Variants in RBM47 observed in about 807,000 individuals in gnomAD.
RBM47 encodes the protein RNA-binding protein 47.
RBM47 carries 21 observed loss-of-function variants against 47.1 expected under a neutral mutation model. That is an observed-to-expected ratio of 0.45 (90% CI 0.32 to 0.64). The LOEUF (loss-of-function observed/expected upper bound fraction) is 0.64, where lower values mean the gene tolerates loss of function less well. Among genes scored for constraint, RBM47 ranks in the 30% least tolerant of loss-of-function variants. The pLI, the probability that RBM47 is intolerant of heterozygous loss-of-function variation, is 0.05. For synonymous variants in RBM47, 375 were observed against 361.7 expected (o/e 1.04, Z -0.42); for missense variants, 708 against 870.9 (o/e 0.81, Z 2.35).
chr4:40,513,020 G>A (rs34644612), intron 2 of RBM47, among the ~76,000 whole-genome samples: 7,168 of 152,226 alleles, frequency 0.047, 234 homozygotes, highest in Non-Finnish European at 0.073. Flanking sequence ...TCAATTTTCC[G>A]ATATGCATAT....
intron 1 of RBM47, among the ~76,000 whole-genome samples, chr4:40,584,111 G>A (rs1432772667): frequency 1.3e-5 from 2 of 152,116 alleles, no homozygotes; most frequent in Admixed American, 1.3e-4. Flanking sequence ...CTACAGGCAC[G>A]CACCAACATG....
intron 1 of RBM47, among the ~76,000 whole-genome samples, chr4:40,581,959 CT>C (rs1324067254): frequency 6.6e-6 from 1 of 152,086 alleles, no homozygotes; most frequent in Non-Finnish European, 1.5e-5. Context: ...TTCCCCTCCT[CT>C]GCACCCATCT....
intron 3 of RBM47, among the ~76,000 whole-genome samples, chr4:40,460,487 C>T (rs1716947922): frequency 6.6e-6 from 1 of 152,232 alleles, no homozygotes; most frequent in Non-Finnish European, 1.5e-5. Flanking sequence ...GAGTGACTTA[C>T]TCTCCCAAGC....
intron 2 of RBM47, among the ~76,000 whole-genome samples, chr4:40,473,286 C>A (rs1024319743): frequency 1.3e-5 from 2 of 152,152 alleles, no homozygotes; most frequent in African/African-American, 4.8e-5. Flanking sequence ...AATGAGGCTG[C>A]CCATTTGTTA....
At chr4:40,528,942 C>CAA (rs201660719) in intron 2 of RBM47, among the ~76,000 whole-genome samples, 3 of 140,584 alleles carry the variant, frequency 2.1e-5, no homozygotes, top group African/African-American at 7.8e-5. Flanking sequence ...GACTCCGTCT[C>CAA]AAAAAAAAAA....
intron 2 of RBM47, among the ~76,000 whole-genome samples, chr4:40,523,544 G>C (rs140152651): frequency 1.5e-4 from 23 of 151,982 alleles, no homozygotes; most frequent in African/African-American, 3.6e-4. Context: ...CTAGCTACTC[G>C]GGAGACTGAG....
At chr4:40,574,743 G>A (rs565025697) in intron 1 of RBM47, among the ~76,000 whole-genome samples, 6 of 152,200 alleles carry the variant, frequency 3.9e-5, no homozygotes, top group Admixed American at 1.3e-4. Flanking sequence ...TCAGCTACTC[G>A]GGAGGCTGAG....
At chr4:40,531,851 T>C (rs777153758) in intron 2 of RBM47, among the ~76,000 whole-genome samples, 4 of 151,926 alleles carry the variant, frequency 2.6e-5, no homozygotes, top group Non-Finnish European at 5.9e-5. Context: ...GTAGTGCGAA[T>C]GAAGAGGAAA....
chr4:40,438,835 G>GC lies in RBM47; in HGVS notation c.58dup (p.Ala20GlyfsTer88). 2 of 1,557,990 alleles carry GC rather than the reference G, an allele frequency of 1.3e-6. No homozygotes were observed. Among genetic ancestry groups the GC allele is most frequent in the African/African-American group, 1.3e-5 (1 of 74,396 alleles). On this transcript the variant is annotated frameshift_variant, in exon 4 of 7. Coordinates refer to ENST00000295971, the MANE Select transcript of RBM47 (RefSeq NM_001098634.2). LOFTEE classifies it high-confidence loss of function. ...GCCCGCCACGCCCTCGGGCACCTTG[G>GC]CGGAGGACCCGGCGGCCGAGTCACT... is the stretch of plus-strand genomic sequence containing the variant.
chr4:40,437,098 TATATATATATATAAAATAC>T (rs1712652146), intron 4 of RBM47, among the ~76,000 whole-genome samples: 2 of 63,124 alleles, frequency 3.2e-5, no homozygotes, highest in African/African-American at 1.8e-4. Flanking sequence ...AAAATATATA[TATATATATATATAAAATAC>T]ATATATATAT....
At chr4:40,620,483 C>A (rs374889913) in intron 1 of RBM47, among the ~76,000 whole-genome samples, 89 of 151,850 alleles carry the variant, frequency 5.9e-4, no homozygotes, top group African/African-American at 2.1e-3. Flanking sequence ...CCAGCCTGGG[C>A]GATAACAGCA....
At chr4:40,536,323 C>T (rs1199672406) in intron 2 of RBM47, among the ~76,000 whole-genome samples, 2 of 152,170 alleles carry the variant, frequency 1.3e-5, no homozygotes, top group African/African-American at 4.8e-5. Flanking sequence ...AACTTTGATG[C>T]ATGTCTAATG....
intron 1 of RBM47, among the ~76,000 whole-genome samples, chr4:40,599,257 CAA>C (rs11445088): frequency 5.5e-5 from 7 of 128,010 alleles, no homozygotes; most frequent in Non-Finnish European, 6.5e-5. Flanking sequence ...GACTCCGTCT[CAA>C]AAAAAAAAAA....
rs1400141532 is a variant in RBM47, at chr4:40,437,847, G to A, written c.1047C>T (p.Cys349=). The A allele has an allele frequency of 6.2e-7, 1 of 1,614,102 alleles. No individual in the cohort carries two copies. Among genetic ancestry groups the A allele is most frequent in the South Asian group, 1.1e-5 (1 of 91,074 alleles). ...AAQQPSYVYS[C]DPYTLAYYGY... ...CGTAGTAGGCCAGTGTGTAGGGGTCGCAGGAGTACACGTAGCTGGGCTGCT... is the reference window on the plus strand; with the variant it reads ...CGTAGTAGGCCAGTGTGTAGGGGTCACAGGAGTACACGTAGCTGGGCTGCT... The change falls in exon 4 of 7, where the codon TGC becomes TGT. Residue 349 remains cysteine, a synonymous_variant. Coordinates refer to ENST00000295971, the MANE Select transcript of RBM47 (RefSeq NM_001098634.2).
intron 1 of RBM47, among the ~76,000 whole-genome samples, chr4:40,588,523 A>G (rs1733810460): frequency 6.6e-6 from 1 of 152,210 alleles, no homozygotes; most frequent in Non-Finnish European, 1.5e-5. Context: ...TATGGACAGC[A>G]TAAAAGATTT....
rs1168632962 is a variant in RBM47 at position 40,580,323 on chromosome 4, T to G, written c.-239-35817A>C. On this transcript the variant is annotated intron_variant, in intron 1 of 6. Transcript: ENST00000295971. The stretch of plus-strand genomic sequence containing the variant: ...CAAGTTTCTAGTACCTTCTCTTTGT[T>G]GTGAAGGATAATCAAACTGAACAAC... Among the ~76,000 whole-genome samples the G allele has an allele frequency of 3.9e-5, 6 of 152,136 alleles. No homozygotes were observed. In the East Asian group the frequency reaches 9.6e-4, roughly 24 times the overall value.
chr4:40,618,244 A>AT (rs1736920819), intron 1 of RBM47, among the ~76,000 whole-genome samples: 1 of 147,798 alleles, frequency 6.8e-6, no homozygotes, highest in South Asian at 2.2e-4. Flanking sequence ...TCAAAAAAAA[A>AT]GAAAAAAGAA....
intron 2 of RBM47, chr4:40,502,114 A>G (rs770684458): frequency 1.3e-4 from 20 of 154,328 alleles, no homozygotes; most frequent in Non-Finnish European, 2.1e-4. Flanking sequence ...CATACAAGCC[A>G]GTCAGCTCAA....
intron 3 of RBM47, among the ~76,000 whole-genome samples, chr4:40,463,791 A>G (rs1717535787): frequency 6.6e-6 from 1 of 151,616 alleles, no homozygotes; most frequent in African/African-American, 2.4e-5. Flanking sequence ...CTTTTGCACC[A>G]ACCTAAATAT....
Sources: allele counts gnomAD v4.1 joint callset (sites outside exome capture counted in the v4.1 genomes callset), GRCh38; gene constraint gnomAD v4.1.1; transcripts MANE v1.5; gene names NCBI Gene and HGNC (gene_info 2026-07-23, HGNC 2026-07-21).